The following SH3BGR variants were observed in gnomAD, a reference collection of about 807,000 sequenced individuals.
SH3BGR encodes SH3 domain binding glutamate rich protein.
A neutral mutation model predicts 24.5 loss-of-function variants in SH3BGR; 29 were observed. The observed-to-expected ratio is 1.18, with a 90% CI of 0.88 to 1.61. SH3BGR has a LOEUF of 1.61. Ranked by LOEUF, SH3BGR falls within the 40% of genes most tolerant of loss-of-function variation. The pLI is 0.00. For missense variants in SH3BGR, 162 were observed against 205.8 expected (o/e 0.79, Z 1.30); for synonymous variants, 55 against 65.7 (o/e 0.84, Z 0.79).
intron 3 of SH3BGR, chr21:39,491,591 G>T: frequency 4.0e-6 from 1 of 247,622 alleles, no homozygotes; most frequent in Non-Finnish European, 8.1e-6. Context: ...GCAGGTCTAA[G>T]TAGGGGTGGA....
intron 1 of SH3BGR, among the ~76,000 whole-genome samples, chr21:39,457,328 GATT>G (rs1166845271): frequency 1.4e-5 from 2 of 140,310 alleles, no homozygotes; most frequent in Non-Finnish European, 3.1e-5. Context: ...TTATATATAA[GATT>G]ATTATATATT....
intron 3 of SH3BGR, among the ~76,000 whole-genome samples, chr21:39,478,856 G>C (rs1383345739): frequency 6.6e-6 from 1 of 151,830 alleles, no homozygotes; most frequent in Non-Finnish European, 1.5e-5. Context: ...ATCTCTGCAT[G>C]TTCCCTTATT....
At position 39,501,986 on chromosome 21, in the gene SH3BGR, A is replaced by C. The variant is rs2123511012; in HGVS notation, c.405+2071A>C. 2.0e-5 allele frequency among the ~76,000 whole-genome samples: 3 copies of C among 152,352 alleles called. No individual in the cohort carries two copies. In the South Asian group the frequency reaches 6.2e-4, roughly 32 times the overall value. On this transcript the variant is annotated intron_variant, in intron 4 of 6. Transcript: ENST00000333634. ...TCAAGAGTTTGAGATCAGTCTGGCC[A>C]ACATGGTAAAACCCCGTCTCTACTA...
intron 3 of SH3BGR, among the ~76,000 whole-genome samples, chr21:39,477,746 A>G (rs1173603672): frequency 6.6e-6 from 1 of 152,168 alleles, no homozygotes; most frequent in Non-Finnish European, 1.5e-5. Flanking sequence ...ATTAAATTGT[A>G]TTTTAGAAAT....
chr21:39,499,259 T>TATCTATCTATCTATCTATCTA (rs1330148548), intron 3 of SH3BGR, among the ~76,000 whole-genome samples: 1 of 151,256 alleles, frequency 6.6e-6, no homozygotes, highest in Admixed American at 6.7e-5. Context: ...ATCTATCATC[T>TATCTATCTATCTATCTATCTA]GTCTATCTGT....
upstream of SH3BGR, among the ~76,000 whole-genome samples, chr21:39,450,079 C>A (rs2077556038): frequency 1.1e-5 from 1 of 91,948 alleles, no homozygotes; most frequent in Non-Finnish European, 2.4e-5. Flanking sequence ...AGAAAATATG[C>A]CCCCACTTTC....
intron 3 of SH3BGR, chr21:39,492,010 A>G (rs755743121): frequency 6.6e-6 from 1 of 151,874 alleles, no homozygotes; most frequent in South Asian, 2.1e-4. Context: ...TAACTTATCT[A>G]TTGTATTTTT....
At chr21:39,461,613 G>T in intron 1 of SH3BGR, among the ~76,000 whole-genome samples, 1 of 152,224 alleles carries the variant, frequency 6.6e-6, no homozygotes. Flanking sequence ...TTATAACTCA[G>T]TATTTGCCTT....
intron 3 of SH3BGR, among the ~76,000 whole-genome samples, chr21:39,492,848 T>C (rs2123470683): frequency 6.6e-6 from 1 of 152,164 alleles, no homozygotes; most frequent in East Asian, 1.9e-4. Flanking sequence ...CATTGTAGTT[T>C]TGGTTTGCAT....
At chr21:39,493,758 A>G (rs1465391748) in intron 3 of SH3BGR, among the ~76,000 whole-genome samples, 3 of 151,930 alleles carry the variant, frequency 2.0e-5, no homozygotes, top group Non-Finnish European at 2.9e-5. Context: ...CATGGGATGT[A>G]TTTCCATTTG....
chr21:39,477,077 A>G (rs984698880), intron 3 of SH3BGR, among the ~76,000 whole-genome samples: 1 of 151,310 alleles, frequency 6.6e-6, no homozygotes, highest in African/African-American at 2.4e-5. Context: ...AGAATCTTTT[A>G]TTTTTTCATG....
intron 3 of SH3BGR, among the ~76,000 whole-genome samples, chr21:39,494,235 T>TCTA (rs1315281347): frequency 1.3e-5 from 2 of 150,334 alleles, no homozygotes; most frequent in Non-Finnish European, 3.0e-5. Context: ...TTCTTCCTCT[T>TCTA]CTTCTTCTTC....
chr21:39,469,296 T>C (rs1313816455), intron 2 of SH3BGR, among the ~76,000 whole-genome samples: 1 of 151,914 alleles, frequency 6.6e-6, no homozygotes, highest in African/African-American at 2.4e-5. Context: ...CTAATGTTTC[T>C]GTTGTGTCTT....
At chr21:39,458,440 G>A (rs2077700378) in intron 1 of SH3BGR, among the ~76,000 whole-genome samples, 1 of 152,062 alleles carries the variant, frequency 6.6e-6, no homozygotes, top group Non-Finnish European at 1.5e-5. Context: ...CCGGATTCAA[G>A]CGATTCTCCT....
intron 4 of SH3BGR, among the ~76,000 whole-genome samples, chr21:39,506,369 G>A (rs978630225): frequency 6.6e-6 from 1 of 152,230 alleles, no homozygotes; most frequent in Non-Finnish European, 1.5e-5. Context: ...GTAGAGTGGT[G>A]AGGGATGAGG....
chr21:39,468,249 C>G (rs1422519329), intron 2 of SH3BGR, among the ~76,000 whole-genome samples: 1 of 152,162 alleles, frequency 6.6e-6, no homozygotes, highest in East Asian at 1.9e-4. Context: ...ACTGAACAAA[C>G]TATGTTATGT....
rs536701655 is a variant in SH3BGR, at chr21:39,507,163, G to C, written c.406-1835G>C. Among the ~76,000 whole-genome samples the C allele has an allele frequency of 2.5e-4, 38 of 152,280 alleles. 1 individual carries two copies. The South Asian group carries it at 7.7e-3, about 31-fold the overall frequency. On this transcript the variant is annotated intron_variant, in intron 4 of 6. Coordinates refer to ENST00000333634, the MANE Select transcript of SH3BGR (RefSeq NM_007341.3). ...GGTTAGTTTGAAGATTCCCAGTGCT[G>C]AAAAAGTCCTCTTGGCCTGATTCAG...
intron 6 of SH3BGR, among the ~76,000 whole-genome samples, chr21:39,512,785 C>CT (rs963430160): frequency 1.3e-5 from 2 of 152,118 alleles, no homozygotes; most frequent in African/African-American, 4.8e-5. Flanking sequence ...GAGCAAGACT[C>CT]TGTCTCCAAA....
chr21:39,511,198 G>A lies in SH3BGR; in HGVS notation c.436-482G>A, dbSNP rs1254877452. 6.7e-6 allele frequency among the ~76,000 whole-genome samples: 1 copy of A among 148,826 alleles called. No individual in the cohort carries two copies. The highest frequency in any genetic ancestry group is 2.5e-5 in the African/African-American group (1 of 40,576). On this transcript the variant is annotated intron_variant, in intron 5 of 6. Coordinates refer to ENST00000333634, the MANE Select transcript of SH3BGR (RefSeq NM_007341.3). This position sits in a 1 kb window ranked among gnomAD's most constrained non-coding sequence, Gnocchi z 4.2. ...GTGTATATGGTGTGTGGTGTGTTTG[G>A]TGTGTGTGTGTGTGATGTGTGTTAT...
Sources: allele counts gnomAD v4.1 joint callset (sites outside exome capture counted in the v4.1 genomes callset), GRCh38; gene constraint gnomAD v4.1.1; non-coding constraint Gnocchi (gnomAD v3.1); transcripts MANE v1.5; gene names NCBI Gene and HGNC (gene_info 2026-07-23, HGNC 2026-07-21).